The following RP1 variants were observed in gnomAD, a reference collection of about 807,000 sequenced individuals.
The protein encoded by RP1 is RP1 axonemal microtubule associated, also known as oxygen-regulated protein 1.
A neutral mutation model predicts 14.8 loss-of-function variants in RP1; 16 were observed. The observed-to-expected ratio is 1.08, with a 90% CI of 0.73 to 1.65. RP1 has a LOEUF of 1.65. Among genes scored for constraint, RP1 ranks in the 40% most tolerant of loss-of-function variants. The probability of loss-of-function intolerance (pLI) is 0.00; values close to 1 mark genes in which losing one functional copy is unlikely to be tolerated. For synonymous variants in RP1, 876 were observed against 883.6 expected, an observed-to-expected ratio of 0.99 and a Z score of 0.15; for missense variants, 2,631 against 2,535.0, an observed-to-expected ratio of 1.04 and a Z score of -0.81.
At chr8:54,865,908 A>G (rs975024734) in exon 28 of RP1, 1 of 1,221,884 alleles carries the variant, frequency 8.2e-7, no homozygotes. Flanking sequence ...TGCTGTTTCT[A>G]TGCAACAGGT....
At chr8:54,618,552 A>G (rs1805779875) in intron 1 of RP1, among the ~76,000 whole-genome samples, 1 of 152,220 alleles carries the variant, frequency 6.6e-6, no homozygotes, top group Admixed American at 6.5e-5. Context: ...TTAAGTGAAA[A>G]ATGTGTCTCA....
intron 25 of RP1, among the ~76,000 whole-genome samples, chr8:54,844,544 G>A (rs1585740865): frequency 6.6e-6 from 1 of 152,010 alleles, no homozygotes; most frequent in African/African-American, 2.4e-5. Flanking sequence ...AGACAAGCTT[G>A]CCTCTGTGTG....
In RP1 at chr8:54,624,868, G is replaced by A. The variant is rs1229278794; in HGVS notation, c.986G>A (p.Gly329Asp). 6 of 1,613,686 alleles carry A rather than the reference G, an allele frequency of 3.7e-6. No individual in the cohort carries two copies. The highest frequency in any genetic ancestry group is 5.1e-6 in the Non-Finnish European group (6 of 1,179,874). ...AAATCAATTATTTTTAATCAAGACG[G>A]CACTATGACAGTTGAGATGAAAGTT... is the stretch of plus-strand genomic sequence containing the variant. The part of the protein sequence containing the change: ...IEKSIIFNQD[G>D]TMTVEMKVRF... Residue 329 changes from glycine (G) to aspartate (D), a missense_variant, in exon 4 of 4, where the codon GGC (glycine) becomes GAC (aspartate). Gly to Asp is a moderately conservative substitution (Grantham distance 94, BLOSUM62 -1). Coordinates refer to ENST00000220676, the MANE Select transcript of RP1 (RefSeq NM_006269.2).
chr8:54,778,890 A>T (rs1023951188), intron 23 of RP1, among the ~76,000 whole-genome samples: 3 of 152,144 alleles, frequency 2.0e-5, no homozygotes, highest in Non-Finnish European at 2.9e-5. Flanking sequence ...GACATTTGAC[A>T]GGCATACCAA....
At chr8:54,832,222 T>A (rs1382389567) in intron 24 of RP1, among the ~76,000 whole-genome samples, 1 of 151,748 alleles carries the variant, frequency 6.6e-6, no homozygotes, top group Admixed American at 6.6e-5. Context: ...AATATTTAAG[T>A]ATTTTTTCTT....
intron 24 of RP1, among the ~76,000 whole-genome samples, chr8:54,799,910 T>C (rs573250266): frequency 5.3e-5 from 8 of 152,196 alleles, no homozygotes; most frequent in Non-Finnish European, 1.0e-4. Flanking sequence ...TAATATTTAT[T>C]TTACTTTTAT....
At chr8:54,722,178 G>A (rs1485522776) in intron 16 of RP1, among the ~76,000 whole-genome samples, 1 of 150,278 alleles carries the variant, frequency 6.7e-6, no homozygotes, top group Non-Finnish European at 1.5e-5. Context: ...GGTGCAGTGA[G>A]CTGAGAACGC....
At chr8:54,609,051 G>A (rs1805527733) in intron 1 of RP1, among the ~76,000 whole-genome samples, 5 of 152,204 alleles carry the variant, frequency 3.3e-5, no homozygotes, top group Admixed American at 2.6e-4. Context: ...CTAGGTACAG[G>A]CAGTAAGCTA....
chr8:54,800,358 T>C (rs1340280079), intron 24 of RP1, among the ~76,000 whole-genome samples: 1 of 151,740 alleles, frequency 6.6e-6, no homozygotes, highest in Non-Finnish European at 1.5e-5. Context: ...GTATTAGTAT[T>C]TATCCTGGTT....
chr8:54,787,143 C>T (rs1038683122), intron 24 of RP1, among the ~76,000 whole-genome samples: 1 of 152,096 alleles, frequency 6.6e-6, no homozygotes, highest in Admixed American at 6.6e-5. Flanking sequence ...TATATACCCT[C>T]TATAGACTAT....
intron 24 of RP1, among the ~76,000 whole-genome samples, chr8:54,833,399 C>T (rs10096797): frequency 0.36 from 55,248 of 151,590 alleles, 10,318 homozygotes; most frequent in African/African-American, 0.44. Flanking sequence ...TGTTTTACAG[C>T]GCCCTCAAGC....
At chr8:54,840,846 G>A (rs981870199) in intron 25 of RP1, among the ~76,000 whole-genome samples, 30 of 151,972 alleles carry the variant, frequency 2.0e-4, no homozygotes, top group Non-Finnish European at 2.1e-4. Flanking sequence ...ATTTCTTAAG[G>A]TATTTTCTCC....
At chr8:54,845,548 AGAGTCCT>A (rs1455080988) in intron 25 of RP1, among the ~76,000 whole-genome samples, 8 of 152,194 alleles carry the variant, frequency 5.3e-5, no homozygotes, top group African/African-American at 1.9e-4. Context: ...CGGGCTACAG[AGAGTCCT>A]GCAGACACAG....
chr8:54,823,479 T>C (rs1383045730), intron 24 of RP1, among the ~76,000 whole-genome samples: 2 of 152,046 alleles, frequency 1.3e-5, no homozygotes, highest in Non-Finnish European at 2.9e-5. Flanking sequence ...TACAGGCTTG[T>C]GGCACCACAC....
intron 7 of RP1, chr8:54,673,799 A>G: frequency 1.4e-6 from 2 of 1,389,512 alleles, no homozygotes; most frequent in Non-Finnish European, 9.8e-7. Context: ...TACTATTGGT[A>G]TAAATCAGAG....
intron 12 of RP1, among the ~76,000 whole-genome samples, chr8:54,697,850 G>T (rs190157926): frequency 7.2e-5 from 11 of 152,282 alleles, no homozygotes; most frequent in Non-Finnish European, 1.6e-4. Flanking sequence ...GTAGAAAGCC[G>T]AAACTGGATC....
intron 24 of RP1, among the ~76,000 whole-genome samples, chr8:54,834,308 G>A (rs1262650045): frequency 6.6e-6 from 1 of 152,014 alleles, no homozygotes; most frequent in Non-Finnish European, 1.5e-5. Flanking sequence ...AGGGGTTCCG[G>A]AGTAGGAGAA....
chr8:54,826,549 T>C (rs770770202), intron 24 of RP1, among the ~76,000 whole-genome samples: 2 of 152,128 alleles, frequency 1.3e-5, no homozygotes, highest in Non-Finnish European at 2.9e-5. Flanking sequence ...TAAACATGAG[T>C]TGCTTAAGTA....
intron 1 of RP1, among the ~76,000 whole-genome samples, chr8:54,562,415 T>A (rs10094393): frequency 6.6e-6 from 1 of 152,226 alleles, no homozygotes; most frequent in Admixed American, 6.5e-5. Context: ...AGGCTGGGTG[T>A]GGTGGCTCAC....
Sources: gnomAD v4.1 joint callset for allele counts (sites outside exome capture counted in the v4.1 genomes callset) on GRCh38, gnomAD v4.1.1 for gene constraint, MANE v1.5 for transcripts, NCBI Gene and HGNC (gene_info 2026-07-23, HGNC 2026-07-21) for gene names.